KBTBD12: variants seen among roughly 807,000 people sequenced by gnomAD.
KBTBD12 encodes the protein kelch repeat and BTB domain containing 12.
KBTBD12 carries 53 observed loss-of-function variants against 58.7 expected under a neutral mutation model. The observed-to-expected ratio is 0.90, with a 90% confidence interval of 0.72 to 1.14. The LOEUF is 1.14. Among genes scored for constraint, KBTBD12 ranks in the 50% most tolerant of loss-of-function variants. The probability of loss-of-function intolerance (pLI) is 0.00; values close to 1 mark genes in which losing one functional copy is unlikely to be tolerated. For missense variants in KBTBD12, 704 were observed against 751.3 expected, an observed-to-expected ratio of 0.94 and a Z score of 0.74; for synonymous variants, 236 against 259.8, an observed-to-expected ratio of 0.91 and a Z score of 0.88.
At chr3:127,928,269 T>C (rs1939623972) in intron 3 of KBTBD12, 1 of 522,442 alleles carries the variant, frequency 1.9e-6, no homozygotes, top group African/African-American at 1.9e-5. Context: ...CTGTGCTCTT[T>C]ATAATCCTCC....
At chr3:127,963,496 A>G (rs904564757) in intron 5 of KBTBD12, 110 bp downstream of exon 5, 36 of 1,073,422 alleles carry the variant, frequency 3.4e-5, no homozygotes, top group South Asian at 1.7e-5. Flanking sequence ...GCACTGCAAA[A>G]GCATGGCTTT....
At chr3:127,978,051 C>G (rs942462552) in intron 5 of KBTBD12, among the ~76,000 whole-genome samples, 2 of 152,184 alleles carry the variant, frequency 1.3e-5, no homozygotes, top group African/African-American at 4.8e-5. Context: ...ATATGGCTAG[C>G]CAGCCATCCC....
intron 5 of KBTBD12, among the ~76,000 whole-genome samples, chr3:127,968,311 G>A (rs1940618121): frequency 6.6e-6 from 1 of 152,142 alleles, no homozygotes; most frequent in Admixed American, 6.5e-5. Context: ...AATACAGAAT[G>A]AGGGAGCCAG....
chr3:127,928,723 T>C (rs1053426587), intron 3 of KBTBD12, among the ~76,000 whole-genome samples: 1 of 152,242 alleles, frequency 6.6e-6, no homozygotes, highest in Non-Finnish European at 1.5e-5. Context: ...CCAGCCAGAC[T>C]TTCTAATAAA....
At chr3:127,928,667 C>G (rs1939632414) in intron 3 of KBTBD12, among the ~76,000 whole-genome samples, 1 of 152,224 alleles carries the variant, frequency 6.6e-6, no homozygotes. Context: ...CTCCTGGTGC[C>G]TTGGAGCACT....
At chr3:127,937,651 G>T (rs1294744615) in intron 4 of KBTBD12, among the ~76,000 whole-genome samples, 1 of 152,034 alleles carries the variant, frequency 6.6e-6, no homozygotes, top group Non-Finnish European at 1.5e-5. Context: ...AGAAAAATGG[G>T]TGAGGATTTT....
chr3:127,935,819 T>A (rs1400096679), intron 4 of KBTBD12, among the ~76,000 whole-genome samples: 1 of 152,142 alleles, frequency 6.6e-6, no homozygotes, highest in Non-Finnish European at 1.5e-5. Context: ...ATCAAATATA[T>A]GCTCTCTATA....
In KBTBD12 at chr3:127,963,182, T is replaced by C; in HGVS notation, c.1493-7T>C. The C allele has an allele frequency of 6.3e-7, 1 of 1,590,048 alleles. No homozygotes were observed. The highest frequency in any genetic ancestry group is 8.6e-7 in the Non-Finnish European group (1 of 1,167,132). ...ATCCTCTCATTTCTCCACATAATTCTCTGCAGGTGGCATTGGCTGTGTAGG... is the reference window on the plus strand; with the variant it reads ...ATCCTCTCATTTCTCCACATAATTCCCTGCAGGTGGCATTGGCTGTGTAGG... On this transcript the variant is annotated splice_region_variant and splice_polypyrimidine_tract_variant and intron_variant, in intron 4 of 5. Transcript: ENST00000405109.
In KBTBD12 at chr3:127,916,722, A is replaced by C. The variant is rs1231343547; in HGVS notation, c.-113+1136A>C. On this transcript the variant is annotated intron_variant, in intron 1 of 5. Transcript: ENST00000405109. ...ACAAAAAGCAAAAAAAAAAAAAAAA[A>C]CTGAGCAGCCAATTTGTAATCTCAG... 3.3e-5 allele frequency among the ~76,000 whole-genome samples: 5 copies of C among 152,014 alleles called. No homozygotes were observed. In the East Asian group the frequency reaches 7.7e-4, roughly 24 times the overall value.
chr3:127,930,671 A>G (rs2107593429), intron 4 of KBTBD12, among the ~76,000 whole-genome samples: 2 of 152,292 alleles, frequency 1.3e-5, no homozygotes, highest in South Asian at 4.1e-4. Context: ...CACTATAGGT[A>G]AGACTGTGCC....
chr3:127,928,534 C>T (rs1241264077), intron 3 of KBTBD12, among the ~76,000 whole-genome samples: 2 of 152,226 alleles, frequency 1.3e-5, no homozygotes, highest in African/African-American at 4.8e-5. Context: ...TTTTATTGGG[C>T]ATCAGCAGGC....
chr3:127,960,985 CT>C (rs1209687934), intron 4 of KBTBD12, among the ~76,000 whole-genome samples: 3 of 152,178 alleles, frequency 2.0e-5, no homozygotes, highest in African/African-American at 7.2e-5. Context: ...AATTTGTGAG[CT>C]GGATTCAGGA....
chr3:127,931,330 C>A lies in KBTBD12; in HGVS notation c.1492+1047C>A, dbSNP rs192651217. On this transcript the variant is annotated intron_variant, in intron 4 of 5. Transcript: ENST00000405109. ...TGATTTTAATAACAAGAATATTACA[C>A]AACATAATTTATGACTACCTCAGTT... is the stretch of plus-strand genomic sequence containing the variant. 3.9e-5 allele frequency among the ~76,000 whole-genome samples: 6 copies of A among 152,236 alleles called. No homozygotes were observed. The East Asian group carries it at 1.2e-3, about 29-fold the overall frequency.
intron 4 of KBTBD12, among the ~76,000 whole-genome samples, chr3:127,940,604 CT>C (rs1939929283): frequency 6.6e-6 from 1 of 151,958 alleles, no homozygotes; most frequent in Non-Finnish European, 1.5e-5. Flanking sequence ...GCATTAAGTG[CT>C]TGTATTAGAA....
chr3:127,923,046 C>T lies in KBTBD12; in HGVS notation c.-16C>T. ...CACTTAAAGAAGACTTAGTTGGAAA[C>T]TTTGGAGAGTAGATCATGGAGTGCA... On this transcript the variant is annotated 5_prime_UTR_variant, in exon 2 of 6. Coordinates refer to ENST00000405109, the MANE Select transcript of KBTBD12 (RefSeq NM_207335.4). 1 of 1,503,350 alleles carries T rather than the reference C, an allele frequency of 6.7e-7. No homozygotes were observed. The highest frequency in any genetic ancestry group is 9.2e-7 in the Non-Finnish European group (1 of 1,087,442). The allele number at this position is 1,503,350 out of a possible 1,614,324, so 93.1% of individuals were successfully genotyped here.
At chr3:127,925,358 G>T in intron 2 of KBTBD12, among the ~76,000 whole-genome samples, 1 of 152,072 alleles carries the variant, frequency 6.6e-6, no homozygotes. Context: ...GGTTCTCAGG[G>T]GTCCATGCCA....
intron 4 of KBTBD12, among the ~76,000 whole-genome samples, chr3:127,949,557 G>A (rs1226504351): frequency 6.6e-6 from 1 of 152,208 alleles, no homozygotes; most frequent in East Asian, 1.9e-4. Flanking sequence ...GAATTATTAA[G>A]TGTGGGGACT....
chr3:127,983,375 C>CGA (rs1940905173), intron 5 of KBTBD12, among the ~76,000 whole-genome samples: 1 of 152,110 alleles, frequency 6.6e-6, no homozygotes, highest in Admixed American at 6.5e-5. Flanking sequence ...GCCATGGATC[C>CGA]CTCATGAATA....
At chr3:127,946,944 A>T (rs1940097084) in intron 4 of KBTBD12, among the ~76,000 whole-genome samples, 1 of 151,802 alleles carries the variant, frequency 6.6e-6, no homozygotes, top group African/African-American at 2.4e-5. Context: ...CAGATACTAT[A>T]TTTTTCATTT....
Sources: allele counts gnomAD v4.1 joint callset (sites outside exome capture counted in the v4.1 genomes callset), GRCh38; gene constraint gnomAD v4.1.1; transcripts MANE v1.5; gene names NCBI Gene and HGNC (gene_info 2026-07-23, HGNC 2026-07-21).